The following NLRP2 variants were observed in gnomAD, a reference collection of about 807,000 sequenced individuals.
NLRP2 encodes NACHT, LRR and PYD domains-containing protein 2.
In NLRP2, 107 loss-of-function variants were observed where a neutral mutation model predicts 97.2. The ratio of observed to expected loss-of-function variants is 1.10; its 90% confidence interval spans 0.94 to 1.29. The LOEUF (loss-of-function observed/expected upper bound fraction) is 1.29. NLRP2 is among the 50% of genes most tolerant of loss of function. The probability of loss-of-function intolerance (pLI) is 0.00; values close to 1 mark genes in which losing one functional copy is unlikely to be tolerated. For synonymous variants in NLRP2, 663 were observed against 551.5 expected, an observed-to-expected ratio of 1.20 and a Z score of -2.83; for missense variants, 1,495 against 1,330.3, an observed-to-expected ratio of 1.12 and a Z score of -1.93.
chr19:54,992,547 G>C (rs1184437361), intron 10 of NLRP2, among the ~76,000 whole-genome samples: 1,613 of 135,852 alleles, frequency 0.012, 31 homozygotes, highest in Non-Finnish European at 0.019. Context: ...TTGGGGGGGG[G>C]GGGGTTTTCT....
intron 3 of NLRP2, chr19:54,976,780 T>C: frequency 2.3e-6 from 1 of 432,116 alleles, no homozygotes; most frequent in South Asian, 1.6e-5. Flanking sequence ...AAGCTGCAGA[T>C]ATTGTTATTA....
intron 2 of NLRP2, chr19:54,974,113 T>C (rs775023223): frequency 1.3e-4 from 97 of 749,066 alleles, no homozygotes; most frequent in Non-Finnish European, 1.4e-4. Flanking sequence ...CCCAACACTT[T>C]GGGAGGCCGA....
At chr19:55,000,653 G>T in intron 12 of NLRP2, 107 bp from the exon 13 acceptor site, 2 of 1,116,598 alleles carry the variant, frequency 1.8e-6, no homozygotes, top group Non-Finnish European at 2.7e-6. Context: ...AATCAGGAAA[G>T]GTGACCCATG....
intron 11 of NLRP2, among the ~76,000 whole-genome samples, chr19:54,995,274 T>A (rs906443004): frequency 7.5e-6 from 1 of 133,928 alleles, no homozygotes; most frequent in Non-Finnish European, 1.5e-5. Context: ...CACTGCAACC[T>A]CCACCTCCTG....
intron 8 of NLRP2, among the ~76,000 whole-genome samples, chr19:54,986,905 G>A (rs1258552619): frequency 6.6e-6 from 1 of 151,198 alleles, no homozygotes; most frequent in African/African-American, 2.4e-5. Context: ...TTCTTTTTGA[G>A]ATGGAGTCTC....
chr19:54,967,555 CTAGTT>C (rs374832720), intron 1 of NLRP2, among the ~76,000 whole-genome samples: 286 of 151,940 alleles, frequency 1.9e-3, no homozygotes, highest in Middle Eastern at 0.01. Flanking sequence ...TAGAGAGACT[CTAGTT>C]AAGGTTGGCT....
At chr19:54,998,652 T>TTTTTTTTTTTTGAG (rs2072995761) in intron 12 of NLRP2, among the ~76,000 whole-genome samples, 2 of 110,272 alleles carry the variant, frequency 1.8e-5, no homozygotes, top group African/African-American at 3.5e-5. Context: ...TTTTTTTTTT[T>TTTTTTTTTTTTGAG]ATTGATCATT....
chr19:54,999,151 C>G (rs543165235), intron 12 of NLRP2, among the ~76,000 whole-genome samples: 3 of 152,252 alleles, frequency 2.0e-5, no homozygotes, highest in South Asian at 2.1e-4. Context: ...GGCTGACCCC[C>G]CCACCTCCCC....
intron 2 of NLRP2, chr19:54,973,705 G>A (rs1406037540): frequency 2.5e-6 from 1 of 407,746 alleles, no homozygotes; most frequent in East Asian, 6.4e-5. Context: ...ACCTCCGGAG[G>A]TTACAAGTTT....
intron 8 of NLRP2, among the ~76,000 whole-genome samples, chr19:54,988,369 T>G (rs939773814): frequency 6.6e-6 from 1 of 152,158 alleles, no homozygotes; most frequent in Non-Finnish European, 1.5e-5. Context: ...CTTGGTTCAC[T>G]GCAACCTCTG....
At chr19:54,997,799 C>A (rs114352201) in intron 12 of NLRP2, among the ~76,000 whole-genome samples, 3,118 of 151,268 alleles carry the variant, frequency 0.021, 108 homozygotes, top group African/African-American at 0.071. Context: ...CACTATGTTC[C>A]CCAGGCTGGA....
At chr19:54,981,543 CT>C in intron 4 of NLRP2, 73 bp from the exon 5 acceptor site, 3 of 768,072 alleles carry the variant, frequency 3.9e-6, no homozygotes, top group Non-Finnish European at 6.9e-6. Context: ...AGCCTGCCTC[CT>C]TTTCTCTAAT....
chr19:54,992,808 C>T (rs144884894), intron 10 of NLRP2, among the ~76,000 whole-genome samples: 3,340 of 152,032 alleles, frequency 0.022, 124 homozygotes, highest in African/African-American at 0.075. Flanking sequence ...ATCCACCCAC[C>T]TCAGCCTCCC....
intron 4 of NLRP2, among the ~76,000 whole-genome samples, chr19:54,978,393 C>T (rs921470288): frequency 8.5e-5 from 13 of 152,160 alleles, no homozygotes; most frequent in Non-Finnish European, 1.8e-4. Context: ...TGCCACCACG[C>T]CCAGCTAATT....
At chr19:54,975,341 C>G (rs11879727) in intron 3 of NLRP2, among the ~76,000 whole-genome samples, 6,111 of 141,918 alleles carry the variant, frequency 0.043, 991 homozygotes, top group African/African-American at 0.16. Flanking sequence ...AGGCTGGCCT[C>G]GAATTACTAA....
At chr19:54,967,611 T>TG (rs1387960309) in intron 1 of NLRP2, among the ~76,000 whole-genome samples, 1 of 151,928 alleles carries the variant, frequency 6.6e-6, no homozygotes, top group Non-Finnish European at 1.5e-5. Flanking sequence ...TCTGTTCTCT[T>TG]GGGGGATTTA....
At position 54,970,195 on chromosome 19, in the gene NLRP2, C is replaced by T. The variant is rs2070754834; in HGVS notation, c.180C>T (p.Thr60=). 1.2e-6 allele frequency: 2 copies of T among 1,613,988 alleles called. No individual in the cohort carries two copies. Among genetic ancestry groups the T allele is most frequent in the African/African-American group, 2.7e-5 (2 of 74,902 alleles). ...GGAAGCAACTGGTAGAAATCCTCAC[C>T]ACCCATTGTGACAGCTACTGGGTGG... ...ADGKQLVEIL[T]THCDSYWVEM... The change falls in exon 2 of 13, where the codon ACC becomes ACT. Residue 60 remains threonine (T), a synonymous_variant. Coordinates refer to ENST00000448584, the MANE Select transcript of NLRP2 (RefSeq NM_017852.5).
chr19:54,997,585 C>A, intron 12 of NLRP2, 98 bp downstream of exon 12: 1 of 1,279,838 alleles, frequency 7.8e-7, no homozygotes, highest in Non-Finnish European at 1.1e-6. Context: ...GATCTGGTAG[C>A]TGGATTACAG....
rs1168745286 is a variant in NLRP2, at chr19:54,998,826, G to A, written c.3050+1339G>A. 3.3e-5 allele frequency among the ~76,000 whole-genome samples: 5 copies of A among 150,592 alleles called. No individual in the cohort carries two copies. In the East Asian group the frequency reaches 7.8e-4, roughly 23 times the overall value. On this transcript the variant is annotated intron_variant, in intron 12 of 12. Transcript: ENST00000448584. ...CCTGGGTACTTGAGATTAGGGAGTG[G>A]TGATGACTCTTAACGAGCGTGCTGC...
Sources: gnomAD v4.1 joint callset for allele counts (sites outside exome capture counted in the v4.1 genomes callset) on GRCh38, gnomAD v4.1.1 for gene constraint, MANE v1.5 for transcripts, NCBI Gene and HGNC (gene_info 2026-07-23, HGNC 2026-07-21) for gene names.